LARGE1: variants seen among roughly 807,000 people sequenced by gnomAD.
The protein encoded by LARGE1 is xylosyl- and glucuronyltransferase LARGE1.
Under a neutral mutation model 87.6 loss-of-function variants are expected in LARGE1, and 43 were observed. The observed-to-expected ratio is 0.49, with a 90% CI of 0.38 to 0.63. The LOEUF (loss-of-function observed/expected upper bound fraction) is 0.63, where lower values mean the gene tolerates loss of function less well. Ranked by LOEUF, LARGE1 falls within the 30% of genes least tolerant of loss-of-function variation. LARGE1 has a pLI of 0.00. For synonymous variants in LARGE1, 434 were observed against 394.6 expected (o/e 1.10, Z -1.18); for missense variants, 802 against 1,000.2 (o/e 0.80, Z 2.67).
intron 11 of LARGE1, among the ~76,000 whole-genome samples, chr22:33,219,443 T>C (rs1338324307): frequency 6.6e-6 from 1 of 152,234 alleles, no homozygotes; most frequent in Admixed American, 6.5e-5. Context: ...GTTAACAATC[T>C]TCCCAGGAGA....
At chr22:33,838,731 G>A (rs115340926) in intron 1 of LARGE1, among the ~76,000 whole-genome samples, 13 of 152,306 alleles carry the variant, frequency 8.5e-5, no homozygotes, top group African/African-American at 3.1e-4. Context: ...TCCTACTGGT[G>A]GGGAGTTCCA....
chr22:33,794,108 A>G (rs2085907416), intron 1 of LARGE1, among the ~76,000 whole-genome samples: 2 of 152,136 alleles, frequency 1.3e-5, no homozygotes, highest in African/African-American at 4.8e-5. Flanking sequence ...CCAACCCCCA[A>G]ACTCACATAT....
At chr22:33,660,355 C>T (rs907113553) in intron 2 of LARGE1, among the ~76,000 whole-genome samples, 21 of 152,100 alleles carry the variant, frequency 1.4e-4, no homozygotes, top group Admixed American at 5.2e-4. Flanking sequence ...AAGGTCTTCT[C>T]TTAGATCACC....
At chr22:33,398,208 T>C (rs2065814219) in intron 7 of LARGE1, among the ~76,000 whole-genome samples, 1 of 151,550 alleles carries the variant, frequency 6.6e-6, no homozygotes, top group African/African-American at 2.4e-5. Context: ...CTGGAATCTA[T>C]ATTAAGCTAG....
At chr22:33,573,346 G>A (rs2078261097) in intron 5 of LARGE1, among the ~76,000 whole-genome samples, 1 of 152,084 alleles carries the variant, frequency 6.6e-6, no homozygotes, top group African/African-American at 2.4e-5. Context: ...GGCTGAGGCA[G>A]TAGAACCACT....
At chr22:33,611,246 AC>A (rs201770150) in intron 4 of LARGE1, among the ~76,000 whole-genome samples, 15 of 1,916 alleles carry the variant, frequency 7.8e-3, no homozygotes, top group Non-Finnish European at 0.013. Context: ...GGCGATGTGC[AC>A]CTTTGTGCTT....
chr22:33,784,946 T>G (rs2085555294), intron 1 of LARGE1, among the ~76,000 whole-genome samples: 1 of 151,332 alleles, frequency 6.6e-6, no homozygotes, highest in African/African-American at 2.4e-5. Flanking sequence ...TACACGTGTA[T>G]ACATGTGTAC....
At chr22:33,709,857 C>T (rs1050979829) in intron 2 of LARGE1, among the ~76,000 whole-genome samples, 7 of 151,710 alleles carry the variant, frequency 4.6e-5, no homozygotes, top group African/African-American at 7.3e-5. Context: ...AAACTCCTGA[C>T]CTCAGGTGAT....
chr22:33,515,095 C>G (rs2071237362), intron 6 of LARGE1, among the ~76,000 whole-genome samples: 2 of 151,306 alleles, frequency 1.3e-5, no homozygotes, highest in Non-Finnish European at 2.9e-5. Flanking sequence ...AGAATGAACC[C>G]CTCCCATTTC....
chr22:33,809,075 C>T (rs2086408042), intron 1 of LARGE1, among the ~76,000 whole-genome samples: 2 of 151,560 alleles, frequency 1.3e-5, no homozygotes, highest in Non-Finnish European at 2.9e-5. Flanking sequence ...AGTTCAAGAC[C>T]AGCCTGGCCA....
intron 1 of LARGE1, among the ~76,000 whole-genome samples, chr22:33,762,241 A>G (rs2413199): frequency 7.5e-6 from 1 of 133,270 alleles, no homozygotes; most frequent in Non-Finnish European, 1.6e-5. Flanking sequence ...AAAAAAAAAA[A>G]GACTAGACCA....
chr22:33,738,098 T>C (rs976542160), intron 2 of LARGE1, among the ~76,000 whole-genome samples: 2 of 152,212 alleles, frequency 1.3e-5, no homozygotes, highest in Non-Finnish European at 2.9e-5. Flanking sequence ...CAATAATACA[T>C]GTATTTCAGG....
chr22:33,621,217 TTTATAA>T (rs1410197049), intron 4 of LARGE1, among the ~76,000 whole-genome samples: 4 of 152,224 alleles, frequency 2.6e-5, no homozygotes, highest in Non-Finnish European at 5.9e-5. Context: ...ATTATCCAAT[TTTATAA>T]TTATAAAGCA....
chr22:33,090,865 T>C, the LARGE1 span, among the ~76,000 whole-genome samples: 4 of 152,208 alleles, frequency 2.6e-5, no homozygotes, highest in African/African-American at 7.2e-5. Flanking sequence ...TGGTACCATA[T>C]AGTCAATTTG....
intron 10 of LARGE1, among the ~76,000 whole-genome samples, chr22:33,333,932 G>A (rs369169246): frequency 3.3e-4 from 50 of 151,318 alleles, no homozygotes; most frequent in Non-Finnish European, 5.8e-4. Flanking sequence ...CAGCCTGGCC[G>A]ACACAGCGAA....
intron 4 of LARGE1, among the ~76,000 whole-genome samples, chr22:33,605,991 G>A (rs2079243536): frequency 6.6e-6 from 1 of 152,170 alleles, no homozygotes; most frequent in Admixed American, 6.5e-5. Flanking sequence ...GCAATCTGAG[G>A]AGAGCAACAG....
At chr22:33,472,646 T>C (rs2148122631) in intron 6 of LARGE1, among the ~76,000 whole-genome samples, 1 of 152,316 alleles carries the variant, frequency 6.6e-6, no homozygotes, top group African/African-American at 2.4e-5. Context: ...TCTCAGCAGA[T>C]AGTCATTTTA....
intron 9 of LARGE1, among the ~76,000 whole-genome samples, chr22:33,348,207 C>T (rs531462186): frequency 7.2e-5 from 11 of 151,782 alleles, no homozygotes; most frequent in East Asian, 3.9e-4. Flanking sequence ...GTGGAGGTTG[C>T]GATGAGCCAA....
intron 9 of LARGE1, among the ~76,000 whole-genome samples, chr22:33,353,616 G>A (rs551226161): frequency 6.6e-5 from 10 of 152,196 alleles, no homozygotes; most frequent in South Asian, 2.1e-4. Context: ...CTTACGCTAC[G>A]TGATAGATTC....
Sources: allele counts gnomAD v4.1 joint callset (sites outside exome capture counted in the v4.1 genomes callset), GRCh38; gene constraint gnomAD v4.1.1; transcripts MANE v1.5; gene names NCBI Gene and HGNC (gene_info 2026-07-23, HGNC 2026-07-21).